The following PPARGC1A variants were observed in gnomAD, a reference collection of about 807,000 sequenced individuals.
PPARGC1A encodes peroxisome proliferator-activated receptor gamma coactivator 1-alpha.
In PPARGC1A, 25 loss-of-function variants were observed where a neutral mutation model predicts 88.7. The ratio of observed to expected loss-of-function variants is 0.28; its 90% confidence interval spans 0.21 to 0.39. The LOEUF (loss-of-function observed/expected upper bound fraction) is 0.39. Ranked by LOEUF, PPARGC1A falls within the 10% of genes least tolerant of loss-of-function variation. PPARGC1A has a pLI of 1.00. For synonymous variants in PPARGC1A, 363 were observed against 355.6 expected, an observed-to-expected ratio of 1.02 and a Z score of -0.24; for missense variants, 880 against 968.7, an observed-to-expected ratio of 0.91 and a Z score of 1.22.
chr4:24,112,212 T>C, the PPARGC1A span, among the ~76,000 whole-genome samples: 2 of 152,146 alleles, frequency 1.3e-5, no homozygotes, highest in African/African-American at 4.8e-5. Context: ...GTAGTGCCAA[T>C]GTAAGACAGT....
chr4:23,940,062 A>G, the PPARGC1A span, among the ~76,000 whole-genome samples: 1 of 152,194 alleles, frequency 6.6e-6, no homozygotes, highest in South Asian at 2.1e-4. Context: ...CTAACTTCTC[A>G]AGGCTCCCCT....
chr4:24,452,166 G>A, the PPARGC1A span, among the ~76,000 whole-genome samples: 1 of 151,474 alleles, frequency 6.6e-6, no homozygotes, highest in Non-Finnish European at 1.5e-5. Context: ...CTGCCAGCCT[G>A]CCATGCAGAT....
chr4:24,140,344 C>G, the PPARGC1A span, among the ~76,000 whole-genome samples: 1 of 152,272 alleles, frequency 6.6e-6, no homozygotes, highest in East Asian at 1.9e-4. Flanking sequence ...CTTGGGTCAC[C>G]TATCTGATCA....
the PPARGC1A span, among the ~76,000 whole-genome samples, chr4:24,381,820 G>T: frequency 2.0e-3 from 305 of 152,286 alleles, 2 homozygotes; most frequent in African/African-American, 6.9e-3. Flanking sequence ...TAGACCTGAG[G>T]TTGATTAGAT....
the PPARGC1A span, among the ~76,000 whole-genome samples, chr4:24,382,080 A>G: frequency 6.6e-6 from 1 of 152,204 alleles, no homozygotes; most frequent in Admixed American, 6.5e-5. Context: ...AATTTATTAC[A>G]TAATAGGAGA....
At chr4:24,260,659 G>T in the PPARGC1A span, among the ~76,000 whole-genome samples, 2 of 152,004 alleles carry the variant, frequency 1.3e-5, no homozygotes, top group Non-Finnish European at 2.9e-5. Context: ...GCTTTGTGGG[G>T]CTGCTGTCAC....
the PPARGC1A span, among the ~76,000 whole-genome samples, chr4:23,999,086 A>T: frequency 2.6e-5 from 4 of 152,230 alleles, no homozygotes; most frequent in Non-Finnish European, 5.9e-5. Context: ...TGGGCTGGTT[A>T]CAGACAACAA....
intron 2 of PPARGC1A, among the ~76,000 whole-genome samples, chr4:23,866,830 AC>A (rs1560474824): frequency 6.6e-6 from 1 of 151,996 alleles, no homozygotes; most frequent in East Asian, 1.9e-4. Flanking sequence ...TCTATTTGTC[AC>A]ATTTGCTCTC....
At chr4:24,457,288 G>A in the PPARGC1A span, among the ~76,000 whole-genome samples, 14 of 152,074 alleles carry the variant, frequency 9.2e-5, no homozygotes, top group East Asian at 1.9e-4. Flanking sequence ...GTCCAAAGAC[G>A]TTGTTGAAAA....
chr4:23,971,319 G>A, the PPARGC1A span, among the ~76,000 whole-genome samples: 1 of 152,172 alleles, frequency 6.6e-6, no homozygotes, highest in Non-Finnish European at 1.5e-5. Context: ...GGCATAGTGT[G>A]TTGAGAATTT....
chr4:24,311,127 T>C, the PPARGC1A span, among the ~76,000 whole-genome samples: 1 of 120,016 alleles, frequency 8.3e-6, no homozygotes. Flanking sequence ...TGAGACAGAG[T>C]CTTGCTCTGT....
Position 23,898,833 on chromosome 4 carries a change from TA to T in PPARGC1A, n.52+433del, listed in dbSNP as rs1328448240. ...CAACTTTAACAATTCCTGAGGTGGGTATTTTTTTTTTTTTTTTTTTGAGACA... is the reference window on the plus strand; with the variant it reads ...CAACTTTAACAATTCCTGAGGTGGGTTTTTTTTTTTTTTTTTTTTGAGACA... On this transcript the variant is annotated intron_variant and non_coding_transcript_variant, in intron 1 of 3. Coordinates refer to the PPARGC1A transcript ENST00000507342. Among the ~76,000 whole-genome samples, 299 of 80,590 alleles carry T rather than the reference TA, an allele frequency of 3.7e-3. 1 individual carries two copies. The highest frequency in any genetic ancestry group is 0.015 in the African/African-American group (272 of 17,786). The allele number at this position is 80,590 out of a possible 152,430, so 52.9% of individuals were successfully genotyped here.
chr4:24,055,792 G>A, the PPARGC1A span, among the ~76,000 whole-genome samples: 1 of 152,158 alleles, frequency 6.6e-6, no homozygotes, highest in Non-Finnish European at 1.5e-5. Context: ...CCTCCTCCAG[G>A]TAGGAAAGCA....
chr4:23,838,119 A>C (rs941769241), intron 2 of PPARGC1A, among the ~76,000 whole-genome samples: 1 of 152,202 alleles, frequency 6.6e-6, no homozygotes, highest in African/African-American at 2.4e-5. Flanking sequence ...ACTTCACTGC[A>C]TGTGTCTACT....
chr4:24,362,350 C>CTGGATGGATGGATGGATGGA, the PPARGC1A span, among the ~76,000 whole-genome samples: 27 of 149,066 alleles, frequency 1.8e-4, no homozygotes, highest in South Asian at 8.7e-4. Context: ...GAACACATGA[C>CTGGATGGATGGATGGATGGA]TGGATGGATG....
chr4:23,806,689 A>G (rs951263815), intron 10 of PPARGC1A, among the ~76,000 whole-genome samples: 2 of 152,208 alleles, frequency 1.3e-5, no homozygotes, highest in Admixed American at 6.5e-5. Context: ...TCCTCACTAC[A>G]CCAAAACGTG....
the PPARGC1A span, among the ~76,000 whole-genome samples, chr4:24,001,775 C>A: frequency 6.6e-6 from 1 of 152,066 alleles, no homozygotes; most frequent in South Asian, 2.1e-4. Flanking sequence ...TCAGAGAGAG[C>A]TAACTCCATG....
the PPARGC1A span, among the ~76,000 whole-genome samples, chr4:24,115,548 C>G: frequency 6.6e-6 from 1 of 152,116 alleles, no homozygotes; most frequent in Admixed American, 6.5e-5. Context: ...GGAGGGTTTT[C>G]TGATTCTGGT....
chr4:24,053,985 G>T, the PPARGC1A span, among the ~76,000 whole-genome samples: 2 of 152,148 alleles, frequency 1.3e-5, no homozygotes, highest in African/African-American at 4.8e-5. Context: ...GATATGAAAG[G>T]AGCAAGAAAA....
Sources: gnomAD v4.1 joint callset for allele counts (sites outside exome capture counted in the v4.1 genomes callset) on GRCh38, gnomAD v4.1.1 for gene constraint, MANE v1.5 for transcripts, NCBI Gene and HGNC (gene_info 2026-07-23, HGNC 2026-07-21) for gene names.